The following RHAG variants were observed in gnomAD, a reference collection of about 807,000 sequenced individuals.
The protein encoded by RHAG is ammonium transporter Rh type A.
RHAG carries 25 observed loss-of-function variants against 42.4 expected under a neutral mutation model. The ratio of observed to expected loss-of-function variants is 0.59; its 90% CI spans 0.43 to 0.82. The LOEUF is 0.82. RHAG is among the 40% of genes least tolerant of loss of function. The pLI is 0.00. For synonymous variants in RHAG, 182 were observed against 177.7 expected, an observed-to-expected ratio of 1.02 and a Z score of -0.19; for missense variants, 483 against 504.6, an observed-to-expected ratio of 0.96 and a Z score of 0.41.
intron 7 of RHAG, among the ~76,000 whole-genome samples, chr6:49,608,387 C>T (rs1277804285): frequency 2.0e-5 from 3 of 152,086 alleles, no homozygotes; most frequent in Admixed American, 1.3e-4. Context: ...GCTACATATA[C>T]CTCTTTTTTT....
intron 8 of RHAG, 100 bp downstream of exon 8, chr6:49,607,050 A>T (rs1227403509): frequency 2.4e-6 from 3 of 1,268,154 alleles, no homozygotes; most frequent in Non-Finnish European, 3.4e-6. Flanking sequence ...CCAGAAGTTT[A>T]GAACATTTTT....
chr6:49,619,434 C>G lies in RHAG; in HGVS notation c.158-72G>C, dbSNP rs577615761. 555 of 1,357,490 alleles carry G rather than the reference C, an allele frequency of 4.1e-4. 3 individuals are homozygous for G. The highest frequency in any genetic ancestry group is 2.0e-3 in the South Asian group (163 of 81,110). The allele number at this position is 1,357,490 out of a possible 1,614,324, so 84.1% of individuals were successfully genotyped here. A position where few individuals can be genotyped will look rare whatever the true frequency, so the allele number is the denominator to read the frequency against. ...GAAAGTACTGCATCATAGTATACCC[C>G]ACTTATTAAGTGCTACCACCTTTGT... On this transcript the variant is annotated intron_variant, in intron 1 of 9. Transcript: ENST00000371175.
chr6:49,612,358 C>T (rs777250599), intron 6 of RHAG, 39 bp downstream of exon 6: 1 of 1,609,588 alleles, frequency 6.2e-7, no homozygotes, highest in Admixed American at 1.7e-5. Flanking sequence ...AAAAAAGGTG[C>T]AGATTCAGAG....
At chr6:49,619,064 TGACCTGGTCACCTC>T in intron 2 of RHAG, 101 bp downstream of exon 2, 5 of 1,156,088 alleles carry the variant, frequency 4.3e-6, no homozygotes, top group Non-Finnish European at 6.4e-6. Context: ...TCTGCCTTCA[TGACCTGGTCACCTC>T]CCCAGTCCCC....
chr6:49,624,150 C>T (rs181762212), intron 1 of RHAG, among the ~76,000 whole-genome samples: 18 of 152,140 alleles, frequency 1.2e-4, no homozygotes, highest in African/African-American at 4.3e-4. Context: ...TCCCATCCTC[C>T]TGGCTGTGAT....
rs1762876863 is a variant in RHAG at position 49,628,466 on chromosome 6, G to GCGGACCCT, written c.157+8182_157+8189dup. Among the ~76,000 whole-genome samples the GCGGACCCT allele has an allele frequency of 2.0e-5, 3 of 152,116 alleles. No homozygotes were observed. In the South Asian group the frequency reaches 6.2e-4, roughly 31 times the overall value. ...TCTCACTGACTTCAAGAATGAAGCCGCGGACCCTCGAGGTGAGTGTTACAG... is the reference window on the plus strand; with the variant it reads ...TCTCACTGACTTCAAGAATGAAGCCGCGGACCCTCGGACCCTCGAGGTGAGTGTTACAG... On this transcript the variant is annotated intron_variant, in intron 1 of 9. Transcript: ENST00000371175.
intron 3 of RHAG, among the ~76,000 whole-genome samples, chr6:49,615,992 C>T (rs919371219): frequency 2.0e-5 from 3 of 152,188 alleles, no homozygotes; most frequent in African/African-American, 7.2e-5. Flanking sequence ...AGGTCAGTTA[C>T]TTCCTTGCAA....
chr6:49,623,990 A>G (rs1762802950), intron 1 of RHAG, among the ~76,000 whole-genome samples: 1 of 152,098 alleles, frequency 6.6e-6, no homozygotes, highest in Admixed American at 6.6e-5. Flanking sequence ...CCCTTCTCCC[A>G]TTCCTTGCTG....
At chr6:49,619,084 T>A in intron 2 of RHAG, 95 bp downstream of exon 2, 1 of 1,390,050 alleles carries the variant, frequency 7.2e-7, no homozygotes, top group Admixed American at 1.8e-5. Context: ...ACCTCCCCAG[T>A]CCCCCACCTC....
rs540623948 is a variant in RHAG at position 49,610,991 on chromosome 6, C to A, written c.1067+33G>T. 1.1e-5 allele frequency: 17 copies of A among 1,613,270 alleles called. No individual in the cohort carries two copies. The African/African-American group carries it at 2.0e-4, about 19-fold the overall frequency. On this transcript the variant is annotated intron_variant, in intron 7 of 9. Transcript: ENST00000371175. Reference sequence around the variant, plus strand: ...AGAGTGAGAGAAAACATCATGGGACCACAGGGGCTGAAAAACCCATTCTTT... The same window carrying A: ...AGAGTGAGAGAAAACATCATGGGACAACAGGGGCTGAAAAACCCATTCTTT...
rs781145004 is a variant in RHAG, at chr6:49,614,762, G to A, written c.732C>T (p.Tyr244=). Residue 244 remains tyrosine (Y), a synonymous_variant, in exon 5 of 10, where the codon TAC becomes TAT. Coordinates refer to ENST00000371175, the MANE Select transcript of RHAG (RefSeq NM_000324.3). ...DKQCRAIVNT[Y]FSLAACVLTA... is the part of the protein sequence containing the mutation. ...TGAGCACACAGGCAGCGAGAGAGAAGTACGTGTTTACAATGGCCCTGCACT... is the reference window on the plus strand; with the variant it reads ...TGAGCACACAGGCAGCGAGAGAGAAATACGTGTTTACAATGGCCCTGCACT... The A allele has an allele frequency of 5.6e-6, 9 of 1,613,966 alleles. No homozygotes were observed. The highest frequency in any genetic ancestry group is 7.6e-6 in the Non-Finnish European group (9 of 1,180,012).
intron 3 of RHAG, 25 bp from the exon 4 acceptor site, chr6:49,615,796 T>A (rs1344857400): frequency 6.2e-7 from 1 of 1,612,236 alleles, no homozygotes; most frequent in Non-Finnish European, 8.5e-7. Flanking sequence ...AGCATTCACA[T>A]AAATAGAGGT....
intron 5 of RHAG, among the ~76,000 whole-genome samples, chr6:49,613,687 C>T (rs1014523905): frequency 2.6e-5 from 4 of 152,122 alleles, no homozygotes; most frequent in African/African-American, 7.2e-5. Flanking sequence ...AGGCAAGAAA[C>T]TCAAGAGACC....
At chr6:49,621,743 A>T (rs544860567) in intron 1 of RHAG, among the ~76,000 whole-genome samples, 1 of 152,250 alleles carries the variant, frequency 6.6e-6, no homozygotes, top group Admixed American at 6.5e-5. Flanking sequence ...GATATGCATG[A>T]TTCTTAGTAT....
intron 1 of RHAG, 62 bp downstream of exon 1, chr6:49,636,594 T>G (rs1763012769): frequency 1.3e-6 from 2 of 1,529,440 alleles, no homozygotes; most frequent in Admixed American, 3.3e-5. Flanking sequence ...ATTCAATTGT[T>G]TTACATTCTG....
chr6:49,607,124 G>A, intron 8 of RHAG, 26 bp downstream of exon 8: 1 of 1,575,822 alleles, frequency 6.3e-7, no homozygotes, highest in Non-Finnish European at 8.7e-7. Context: ...ATAAGATACA[G>A]GGAAGTGTTC....
intron 1 of RHAG, among the ~76,000 whole-genome samples, chr6:49,622,731 A>G (rs1409982677): frequency 6.6e-6 from 1 of 152,140 alleles, no homozygotes; most frequent in Admixed American, 6.5e-5. Context: ...TAATACACCA[A>G]CTAATTCAAG....
At position 49,607,167 on chromosome 6, in the gene RHAG, A is replaced by G; in HGVS notation, c.1121T>C (p.Val374Ala). Reference sequence around the variant, plus strand: ...ATGCTGACCTGTCATCAGACCTCCAACAACTGCTGTTCCGATAGAGGAACC... The same window carrying G: ...ATGCTGACCTGTCATCAGACCTCCAGCAACTGCTGTTCCGATAGAGGAACC... ...ALGSSIGTAV[V>A]GGLMTGLILK... The change falls in exon 8 of 10, where the codon GTT (valine) becomes GCT (alanine). Residue 374 changes from valine to alanine, a missense_variant. Val to Ala is a moderately conservative substitution (Grantham distance 64, BLOSUM62 0). Coordinates refer to ENST00000371175, the MANE Select transcript of RHAG (RefSeq NM_000324.3). 1 of 1,613,730 alleles carries G rather than the reference A, an allele frequency of 6.2e-7. No homozygotes were observed.
chr6:49,634,693 A>T (rs1470379954), intron 1 of RHAG, among the ~76,000 whole-genome samples: 5 of 152,212 alleles, frequency 3.3e-5, no homozygotes, highest in African/African-American at 1.2e-4. Flanking sequence ...GCTTACGAGA[A>T]TTGGTAGCTT....
Sources: gnomAD v4.1 joint callset for allele counts (sites outside exome capture counted in the v4.1 genomes callset) on GRCh38, gnomAD v4.1.1 for gene constraint, MANE v1.5 for transcripts, NCBI Gene and HGNC (gene_info 2026-07-23, HGNC 2026-07-21) for gene names.